The following CDKAL1 variants were observed in gnomAD, a reference collection of about 807,000 sequenced individuals.
The protein encoded by CDKAL1 is threonylcarbamoyladenosine tRNA methylthiotransferase.
A neutral mutation model predicts 68.2 loss-of-function variants in CDKAL1; 32 were observed. The observed-to-expected ratio is 0.47, with a 90% confidence interval of 0.35 to 0.63. The LOEUF (loss-of-function observed/expected upper bound fraction) is 0.63, where lower values mean the gene tolerates loss of function less well. CDKAL1 is among the 30% of genes least tolerant of loss of function. The probability of loss-of-function intolerance (pLI) is 0.00; values close to 1 mark genes in which losing one functional copy is unlikely to be tolerated. For synonymous variants in CDKAL1, 234 were observed against 244.3 expected (o/e 0.96, Z 0.39); for missense variants, 606 against 696.7 (o/e 0.87, Z 1.47).
intron 5 of CDKAL1, among the ~76,000 whole-genome samples, chr6:20,674,963 T>A (rs1770020434): frequency 6.6e-6 from 1 of 152,182 alleles, no homozygotes; most frequent in Admixed American, 6.5e-5. Context: ...TTCAGAAGAT[T>A]GATGGAGTGA....
chr6:20,574,915 C>T (rs1470589756), intron 4 of CDKAL1, among the ~76,000 whole-genome samples: 1 of 151,964 alleles, frequency 6.6e-6, no homozygotes, highest in Non-Finnish European at 1.5e-5. Context: ...AGATTTAGTT[C>T]AGTTAATTCA....
intron 9 of CDKAL1, among the ~76,000 whole-genome samples, chr6:20,912,697 T>C (rs1762519685): frequency 6.6e-6 from 1 of 152,194 alleles, no homozygotes. Context: ...ATAAAGAAGG[T>C]AATTTAGCTA....
chr6:20,917,463 A>G (rs1762770932), intron 9 of CDKAL1, among the ~76,000 whole-genome samples: 1 of 152,208 alleles, frequency 6.6e-6, no homozygotes, highest in Non-Finnish European at 1.5e-5. Flanking sequence ...AGTGTATAAT[A>G]CAAAGTATAC....
At chr6:20,593,927 G>T (rs1412652975) in intron 4 of CDKAL1, among the ~76,000 whole-genome samples, 1 of 152,118 alleles carries the variant, frequency 6.6e-6, no homozygotes, top group Non-Finnish European at 1.5e-5. Context: ...CCTTAATTTT[G>T]TTATTTACCC....
chr6:21,123,208 A>G (rs563690500), intron 13 of CDKAL1, among the ~76,000 whole-genome samples: 2 of 152,230 alleles, frequency 1.3e-5, no homozygotes, highest in African/African-American at 4.8e-5. Context: ...TAATCCCAAC[A>G]CTTTGAGAGG....
intron 13 of CDKAL1, among the ~76,000 whole-genome samples, chr6:21,196,538 A>G (rs375881986): frequency 1.3e-5 from 2 of 152,210 alleles, no homozygotes; most frequent in East Asian, 3.8e-4. Flanking sequence ...TAAGAGGGCT[A>G]TATTTTGAAT....
chr6:20,902,911 C>T (rs1387314325), intron 9 of CDKAL1, among the ~76,000 whole-genome samples: 1 of 152,076 alleles, frequency 6.6e-6, no homozygotes, highest in East Asian at 1.9e-4. Flanking sequence ...AGTTGTGATC[C>T]TAGAGCTTTT....
At chr6:20,558,068 T>G (rs1241106677) in intron 4 of CDKAL1, among the ~76,000 whole-genome samples, 3 of 152,240 alleles carry the variant, frequency 2.0e-5, no homozygotes, top group Non-Finnish European at 4.4e-5. Flanking sequence ...TCTAATATTT[T>G]TCTGCACATT....
intron 9 of CDKAL1, among the ~76,000 whole-genome samples, chr6:20,917,103 C>T (rs1026397864): frequency 6.6e-6 from 1 of 152,158 alleles, no homozygotes; most frequent in Non-Finnish European, 1.5e-5. Flanking sequence ...GTCTCAGCCT[C>T]CCAAGTAGCT....
intron 12 of CDKAL1, among the ~76,000 whole-genome samples, chr6:21,070,399 C>CTCTTTTT (rs1554170016): frequency 7.2e-6 from 1 of 139,336 alleles, no homozygotes; most frequent in Non-Finnish European, 1.5e-5. Flanking sequence ...TTGTTTCTCT[C>CTCTTTTT]TTTTTTTTTT....
intron 8 of CDKAL1, among the ~76,000 whole-genome samples, chr6:20,804,698 A>G (rs532756520): frequency 6.6e-6 from 1 of 152,152 alleles, no homozygotes; most frequent in African/African-American, 2.4e-5. Flanking sequence ...TACAGGAAAG[A>G]GTCAATAGAG....
At chr6:20,557,592 G>A (rs1248871359) in intron 4 of CDKAL1, among the ~76,000 whole-genome samples, 1 of 151,840 alleles carries the variant, frequency 6.6e-6, no homozygotes, top group Non-Finnish European at 1.5e-5. Context: ...TATGTTTTAT[G>A]TACTGCAAAA....
chr6:20,975,653 G>A (rs1002446912), intron 10 of CDKAL1, among the ~76,000 whole-genome samples: 2 of 152,050 alleles, frequency 1.3e-5, no homozygotes, highest in Admixed American at 1.3e-4. Flanking sequence ...TTCATAAAAT[G>A]AGCACTGATT....
At chr6:21,176,559 C>T (rs531259823) in intron 13 of CDKAL1, among the ~76,000 whole-genome samples, 2 of 152,238 alleles carry the variant, frequency 1.3e-5, no homozygotes, top group Admixed American at 6.5e-5. Context: ...CGTAGCAAGC[C>T]GCCTGCACAT....
intron 13 of CDKAL1, among the ~76,000 whole-genome samples, chr6:21,153,655 C>G (rs1030836138): frequency 1.1e-4 from 16 of 152,036 alleles, no homozygotes; most frequent in African/African-American, 3.1e-4. Context: ...CTAGGAAAGA[C>G]AGAACTAACT....
chr6:21,218,507 G>A (rs542485824), intron 15 of CDKAL1, among the ~76,000 whole-genome samples: 12 of 152,348 alleles, frequency 7.9e-5, no homozygotes, highest in Middle Eastern at 3.4e-3. Context: ...GCTGGCAGCC[G>A]GGGATGTGGC....
intron 9 of CDKAL1, among the ~76,000 whole-genome samples, chr6:20,887,241 A>G (rs1761111257): frequency 6.6e-6 from 1 of 152,194 alleles, no homozygotes; most frequent in Non-Finnish European, 1.5e-5. Flanking sequence ...GGGGGTTTCC[A>G]CCCACTTTGG....
At chr6:20,707,539 A>G (rs1225472647) in intron 5 of CDKAL1, among the ~76,000 whole-genome samples, 1 of 152,180 alleles carries the variant, frequency 6.6e-6, no homozygotes, top group Non-Finnish European at 1.5e-5. Context: ...CTGTCTGCTT[A>G]CCCACTGTGG....
At chr6:20,900,283 G>C (rs1320490046) in intron 9 of CDKAL1, among the ~76,000 whole-genome samples, 1 of 152,138 alleles carries the variant, frequency 6.6e-6, no homozygotes. Flanking sequence ...GCTAATTTCT[G>C]AGGCCAATCT....
Sources: gnomAD v4.1 joint callset for allele counts (sites outside exome capture counted in the v4.1 genomes callset) on GRCh38, gnomAD v4.1.1 for gene constraint, MANE v1.5 for transcripts, NCBI Gene and HGNC (gene_info 2026-07-23, HGNC 2026-07-21) for gene names.